The following PPP3CC variants were observed in gnomAD, a reference collection of about 807,000 sequenced individuals.
PPP3CC encodes the protein serine/threonine-protein phosphatase 2B catalytic subunit gamma isoform.
Under a neutral mutation model 60.3 loss-of-function variants are expected in PPP3CC, and 35 were observed. The ratio of observed to expected loss-of-function variants is 0.58; its 90% CI spans 0.44 to 0.77. The LOEUF is 0.77. Ranked by LOEUF, PPP3CC falls within the 30% of genes least tolerant of loss-of-function variation. PPP3CC has a pLI of 0.00. For missense variants in PPP3CC, 570 were observed against 628.9 expected (o/e 0.91, Z 1.00); for synonymous variants, 206 against 224.3 (o/e 0.92, Z 0.73).
chr8:22,514,062 A>G (rs796713850), intron 6 of PPP3CC, among the ~76,000 whole-genome samples: 24 of 152,288 alleles, frequency 1.6e-4, no homozygotes, highest in African/African-American at 5.3e-4. Context: ...CCTGGCCAAC[A>G]TGGCAAAACC....
chr8:22,517,611 T>C (rs1839287886), intron 6 of PPP3CC, among the ~76,000 whole-genome samples: 2 of 152,214 alleles, frequency 1.3e-5, no homozygotes, highest in African/African-American at 4.8e-5. Context: ...TTCCAGACTC[T>C]ATCCATTTCT....
At chr8:22,506,250 T>G (rs1270585226) in intron 4 of PPP3CC, among the ~76,000 whole-genome samples, 5 of 142,578 alleles carry the variant, frequency 3.5e-5, no homozygotes, top group South Asian at 4.6e-4. Flanking sequence ...ATCCTGGGCA[T>G]GTAACAAGAC....
At chr8:22,535,569 C>T (rs1470550570) in intron 12 of PPP3CC, among the ~76,000 whole-genome samples, 1 of 151,892 alleles carries the variant, frequency 6.6e-6, no homozygotes, top group African/African-American at 2.4e-5. Flanking sequence ...TGTCATAGCT[C>T]ATGGCAGCGC....
chr8:22,455,679 G>A (rs1837174650), intron 1 of PPP3CC, among the ~76,000 whole-genome samples: 2 of 151,248 alleles, frequency 1.3e-5, no homozygotes, highest in Admixed American at 6.6e-5. Context: ...GACTGGTGGT[G>A]GTTATTACTT....
intron 3 of PPP3CC, among the ~76,000 whole-genome samples, chr8:22,482,934 G>A (rs1006627748): frequency 2.0e-5 from 3 of 152,156 alleles, no homozygotes; most frequent in Admixed American, 6.5e-5. Flanking sequence ...AAAGTTATAG[G>A]AGCAGATGAA....
intron 10 of PPP3CC, among the ~76,000 whole-genome samples, chr8:22,530,323 C>T (rs1347491436): frequency 6.6e-6 from 1 of 151,094 alleles, no homozygotes; most frequent in Non-Finnish European, 1.5e-5. Context: ...GATGTGATGG[C>T]GAGTGCTTCT....
intron 3 of PPP3CC, among the ~76,000 whole-genome samples, chr8:22,488,617 A>C (rs1838293627): frequency 6.6e-6 from 1 of 152,240 alleles, no homozygotes; most frequent in Non-Finnish European, 1.5e-5. Flanking sequence ...TGCACAAGCA[A>C]AGTCCTTTAC....
At chr8:22,462,042 C>T (rs988260735) in intron 1 of PPP3CC, among the ~76,000 whole-genome samples, 1 of 152,034 alleles carries the variant, frequency 6.6e-6, no homozygotes, top group East Asian at 1.9e-4. Context: ...TGAGACTAGC[C>T]TGTTTAACTT....
chr8:22,498,066 T>C lies in PPP3CC; in HGVS notation c.438T>C (p.Asn146=). ...AAACATTGTTTCTGCTTCGGGGAAA[T>C]CATGAATGCAGGCATCTTACAGACT... ...HPKTLFLLRG[N]HECRHLTDYF... Residue 146 remains asparagine, a synonymous_variant, in exon 4 of 14, where the codon AAT becomes AAC. Transcript: ENST00000240139. 6.2e-7 allele frequency: 1 copy of C among 1,613,316 alleles called. No individual in the cohort carries two copies. The highest frequency in any genetic ancestry group is 2.2e-5 in the East Asian group (1 of 44,808).
intron 1 of PPP3CC, among the ~76,000 whole-genome samples, chr8:22,470,094 A>G (rs978753797): frequency 1.3e-5 from 2 of 151,814 alleles, no homozygotes; most frequent in African/African-American, 4.8e-5. Flanking sequence ...ACATACATAT[A>G]TATATGTTCT....
At chr8:22,486,421 G>A (rs1004232699) in intron 3 of PPP3CC, among the ~76,000 whole-genome samples, 11 of 152,092 alleles carry the variant, frequency 7.2e-5, no homozygotes, top group Admixed American at 7.2e-4. Flanking sequence ...CTTTTAACCA[G>A]TAATATATAA....
intron 4 of PPP3CC, among the ~76,000 whole-genome samples, chr8:22,501,972 G>A (rs918761996): frequency 7.2e-5 from 11 of 152,112 alleles, no homozygotes; most frequent in Non-Finnish European, 8.8e-5. Flanking sequence ...GATTACAGTG[G>A]GCTATGATTG....
At chr8:22,467,688 A>G (rs544602768) in intron 1 of PPP3CC, among the ~76,000 whole-genome samples, 10 of 152,214 alleles carry the variant, frequency 6.6e-5, no homozygotes, top group East Asian at 3.9e-4. Context: ...CCGCCTCCCA[A>G]TGTTCTGGGA....
chr8:22,536,615 A>G (rs1324067781), intron 12 of PPP3CC, among the ~76,000 whole-genome samples: 1 of 152,220 alleles, frequency 6.6e-6, no homozygotes, highest in Non-Finnish European at 1.5e-5. Flanking sequence ...GTTGATAGAA[A>G]TCTTCAGTAA....
At chr8:22,506,068 A>AT (rs1352760811) in intron 4 of PPP3CC, among the ~76,000 whole-genome samples, 1 of 151,878 alleles carries the variant, frequency 6.6e-6, no homozygotes, top group Non-Finnish European at 1.5e-5. Flanking sequence ...CCTACCCTCC[A>AT]TTTTTAAGTA....
chr8:22,490,895 A>G (rs1260699556), intron 3 of PPP3CC, among the ~76,000 whole-genome samples: 1 of 152,140 alleles, frequency 6.6e-6, no homozygotes, highest in Non-Finnish European at 1.5e-5. Context: ...GCTATTGCGA[A>G]TAGTGCCGCA....
chr8:22,522,374 T>C (rs1016593126), intron 6 of PPP3CC, 117 bp from the exon 7 acceptor site: 2 of 722,784 alleles, frequency 2.8e-6, no homozygotes, highest in Non-Finnish European at 4.6e-6. Flanking sequence ...TTCAGTAGTG[T>C]GTAATACTTG....
intron 1 of PPP3CC, among the ~76,000 whole-genome samples, chr8:22,467,272 T>C (rs1047184159): frequency 1.3e-5 from 2 of 152,190 alleles, no homozygotes; most frequent in Non-Finnish European, 2.9e-5. Flanking sequence ...TTTTTACTAG[T>C]GCGTATAAGT....
intron 4 of PPP3CC, among the ~76,000 whole-genome samples, chr8:22,508,312 T>C (rs1317787421): frequency 6.6e-6 from 1 of 152,116 alleles, no homozygotes; most frequent in South Asian, 2.1e-4. Context: ...AGATTACATA[T>C]TCATCATAAA....
Sources: allele counts gnomAD v4.1 joint callset (sites outside exome capture counted in the v4.1 genomes callset), GRCh38; gene constraint gnomAD v4.1.1; transcripts MANE v1.5; gene names NCBI Gene and HGNC (gene_info 2026-07-23, HGNC 2026-07-21).